SP140L: variants seen among roughly 807,000 people sequenced by gnomAD.
The protein encoded by SP140L is SP140 like nuclear body protein.
In SP140L, 64 loss-of-function variants were observed where a neutral mutation model predicts 84.3. The observed-to-expected ratio is 0.76, with a 90% CI of 0.62 to 0.94. The LOEUF (loss-of-function observed/expected upper bound fraction) is 0.94, where lower values mean the gene tolerates loss of function less well. Among genes scored for constraint, SP140L ranks in the 40% least tolerant of loss-of-function variants. The pLI is 0.00. For synonymous variants in SP140L, 242 were observed against 236.9 expected (o/e 1.02, Z -0.20); for missense variants, 628 against 692.5 (o/e 0.91, Z 1.05).
At chr2:230,358,504 T>C (rs2060617019) in intron 3 of SP140L, among the ~76,000 whole-genome samples, 1 of 152,216 alleles carries the variant, frequency 6.6e-6, no homozygotes, top group Non-Finnish European at 1.5e-5. Context: ...GAGTCATCTC[T>C]GGCTATGAAT....
intron 2 of SP140L, among the ~76,000 whole-genome samples, chr2:230,340,338 G>T (rs1160067378): frequency 4.1e-5 from 6 of 147,244 alleles, no homozygotes; most frequent in East Asian, 2.0e-4. Flanking sequence ...GTTTTCCATT[G>T]GCTTGGTAGA....
chr2:230,335,441 G>C (rs1055519826), intron 2 of SP140L, among the ~76,000 whole-genome samples: 2 of 152,156 alleles, frequency 1.3e-5, no homozygotes, highest in Non-Finnish European at 2.9e-5. Flanking sequence ...TTGATTTCCT[G>C]ATTAACCTAA....
At chr2:230,337,152 C>T (rs1369849730) in intron 2 of SP140L, among the ~76,000 whole-genome samples, 1 of 152,054 alleles carries the variant, frequency 6.6e-6, no homozygotes, top group African/African-American at 2.4e-5. Flanking sequence ...CTCTCCAGCA[C>T]CTGTTGTTTC....
chr2:230,331,852 T>C (rs1444301786), intron 2 of SP140L, among the ~76,000 whole-genome samples: 1 of 152,210 alleles, frequency 6.6e-6, no homozygotes, highest in Non-Finnish European at 1.5e-5. Flanking sequence ...TCTATTATTG[T>C]CTTGTTTTTT....
intron 4 of SP140L, among the ~76,000 whole-genome samples, chr2:230,360,224 C>T (rs2060673931): frequency 6.6e-6 from 1 of 152,130 alleles, no homozygotes; most frequent in South Asian, 2.1e-4. Context: ...GTCTGCAAAA[C>T]AGGACAAACT....
chr2:230,352,708 C>T (rs2060401785), intron 2 of SP140L, among the ~76,000 whole-genome samples: 1 of 152,030 alleles, frequency 6.6e-6, no homozygotes, highest in South Asian at 2.1e-4. Flanking sequence ...TATAATTATA[C>T]AACATGTATT....
intron 2 of SP140L, among the ~76,000 whole-genome samples, chr2:230,349,447 A>C (rs184328792): frequency 1.3e-5 from 2 of 152,308 alleles, no homozygotes; most frequent in African/African-American, 4.8e-5. Context: ...TTATAGGTCA[A>C]TTTGGAGAGA....
At chr2:230,374,196 G>C (rs1193480153) in intron 7 of SP140L, among the ~76,000 whole-genome samples, 1 of 151,944 alleles carries the variant, frequency 6.6e-6, no homozygotes, top group African/African-American at 2.4e-5. Context: ...TGTGCTTGTA[G>C]TCCCAGTTAG....
chr2:230,361,969 T>C (rs1174486357), intron 5 of SP140L, among the ~76,000 whole-genome samples: 2 of 152,118 alleles, frequency 1.3e-5, no homozygotes, highest in Admixed American at 1.3e-4. Flanking sequence ...ACTACCTAGA[T>C]GTAATTGTGA....
chr2:230,367,007 C>T (rs1014838363), intron 5 of SP140L, among the ~76,000 whole-genome samples: 2 of 151,938 alleles, frequency 1.3e-5, no homozygotes, highest in African/African-American at 2.4e-5. Context: ...GGATTACAGG[C>T]GTGAGCCACC....
chr2:230,377,794 C>T lies in SP140L; in HGVS notation c.638-5716C>T, dbSNP rs771706272. Among the ~76,000 whole-genome samples, 47 of 152,186 alleles carry T rather than the reference C, an allele frequency of 3.1e-4. 1 individual carries two copies. Among genetic ancestry groups the T allele is most frequent in the Non-Finnish European group, 4.4e-5 (3 of 68,026 alleles). ...GAAGCTTCTCATTGCTCCACATACT[C>T]ACCAATACTTGATAGTGTTAGTAAA... On this transcript the variant is annotated intron_variant, in intron 7 of 18. Coordinates refer to ENST00000415673, the MANE Select transcript of SP140L (RefSeq NM_138402.6).
At chr2:230,336,635 C>T (rs193028534) in intron 2 of SP140L, among the ~76,000 whole-genome samples, 8 of 152,320 alleles carry the variant, frequency 5.3e-5, no homozygotes, top group African/African-American at 1.4e-4. Flanking sequence ...ACCCAGAATG[C>T]TCATTATTTT....
chr2:230,400,468 T>C (rs2062273569), intron 15 of SP140L: 2 of 542,982 alleles, frequency 3.7e-6, no homozygotes. Context: ...GAGGCCAGTG[T>C]TGGGGACCTT....
intron 14 of SP140L, among the ~76,000 whole-genome samples, chr2:230,399,553 T>G (rs376286869): frequency 2.6e-5 from 4 of 152,206 alleles, no homozygotes; most frequent in East Asian, 1.9e-4. Flanking sequence ...GTGCTCCCTG[T>G]GGCCCACCTG....
At position 230,385,225 on chromosome 2, in the gene SP140L, TAAC is replaced by T; in HGVS notation, c.707_709del (p.Asn236del). On this transcript the variant is annotated inframe_deletion and splice_region_variant, in exon 9 of 19. Coordinates refer to ENST00000415673, the MANE Select transcript of SP140L (RefSeq NM_138402.6). ...ACATTTTCCCTTGCCTATCCCCAGATAACAGCAAAGCCGATGGCCAGCTGGTCT... is the reference window on the plus strand; with the variant it reads ...ACATTTTCCCTTGCCTATCCCCAGATAGCAAAGCCGATGGCCAGCTGGTCT... The T allele has an allele frequency of 6.2e-7, 1 of 1,613,498 alleles. No homozygotes were observed. Among genetic ancestry groups the T allele is most frequent in the Non-Finnish European group, 8.5e-7 (1 of 1,179,614 alleles).
At chr2:230,359,187 G>A in intron 4 of SP140L, 55 bp downstream of exon 4, 3 of 1,507,344 alleles carry the variant, frequency 2.0e-6, no homozygotes, top group Non-Finnish European at 1.8e-6. Flanking sequence ...TTTTCAATAA[G>A]CATATGTTTG....
At chr2:230,396,616 T>C (rs2062060408) in intron 13 of SP140L, 141 bp from the exon 14 acceptor site, 1 of 926,328 alleles carries the variant, frequency 1.1e-6, no homozygotes, top group Non-Finnish European at 1.6e-6. Context: ...CACCCCAGCC[T>C]ACTGGCCTTC....
intron 12 of SP140L, among the ~76,000 whole-genome samples, chr2:230,393,030 T>C (rs770639439): frequency 1.8e-4 from 28 of 152,154 alleles, no homozygotes; most frequent in Admixed American, 5.2e-4. Context: ...GTACCCAAGA[T>C]TGATCAGAGT....
chr2:230,403,371 T>G lies in SP140L; in HGVS notation c.*475T>G, dbSNP rs1249680495. On this transcript the variant is annotated 3_prime_UTR_variant, in exon 19 of 19. Transcript: ENST00000415673. ...GTGCCTGCCACCATGCCCAGCTAAT[T>G]TTTTGCATTTTTAGTAGAGACGGGG... is the stretch of plus-strand genomic sequence containing the variant. The G allele has an allele frequency of 6.5e-6, 1 of 154,566 alleles. No individual in the cohort carries two copies. Among genetic ancestry groups the G allele is most frequent in the African/African-American group, 2.4e-5 (1 of 41,402 alleles). The allele number at this position is 154,566 out of a possible 1,614,324, so 9.6% of individuals were successfully genotyped here. A position where few individuals can be genotyped will look rare whatever the true frequency, so the allele number is the denominator to read the frequency against.
Sources: gnomAD v4.1 joint callset for allele counts (sites outside exome capture counted in the v4.1 genomes callset) on GRCh38, gnomAD v4.1.1 for gene constraint, MANE v1.5 for transcripts, NCBI Gene and HGNC (gene_info 2026-07-23, HGNC 2026-07-21) for gene names.